The following ADGRL2 variants were observed in gnomAD, a reference collection of about 807,000 sequenced individuals.
The protein encoded by ADGRL2 is adhesion G protein-coupled receptor L2.
Under a neutral mutation model 157.4 loss-of-function variants are expected in ADGRL2, and 44 were observed. The observed-to-expected ratio is 0.28, with a 90% CI of 0.22 to 0.36. The LOEUF (loss-of-function observed/expected upper bound fraction) is 0.36. Among genes scored for constraint, ADGRL2 ranks in the 10% least tolerant of loss-of-function variants. ADGRL2 has a pLI of 1.00. For synonymous variants in ADGRL2, 585 were observed against 624.7 expected (o/e 0.94, Z 0.95); for missense variants, 1,510 against 1,768.9 (o/e 0.85, Z 2.63).
chr1:81,497,939 G>A (rs1336070318), intron 2 of ADGRL2, among the ~76,000 whole-genome samples: 1 of 152,208 alleles, frequency 6.6e-6, no homozygotes, highest in Non-Finnish European at 1.5e-5. Context: ...ATTTGCAGTG[G>A]CTCATGCCTG....
chr1:81,831,737 C>T (rs12132199), intron 1 of ADGRL2, among the ~76,000 whole-genome samples: 39,014 of 151,914 alleles, frequency 0.26, 5,132 homozygotes, highest in South Asian at 0.37. Flanking sequence ...CAGGTTTTTA[C>T]TAGGACGAGT....
intron 1 of ADGRL2, among the ~76,000 whole-genome samples, chr1:81,345,353 A>G (rs1378059588): frequency 3.9e-5 from 6 of 152,166 alleles, no homozygotes; most frequent in African/African-American, 1.4e-4. Context: ...TTGCCATTGC[A>G]TCTCAAGAAC....
chr1:81,340,479 T>C (rs1661992108), intron 1 of ADGRL2, among the ~76,000 whole-genome samples: 2 of 152,164 alleles, frequency 1.3e-5, no homozygotes, highest in Admixed American at 1.3e-4. Flanking sequence ...GATTGGACTT[T>C]CCATGGTCCT....
chr1:81,519,553 G>A (rs1398214358), intron 2 of ADGRL2, among the ~76,000 whole-genome samples: 1 of 152,146 alleles, frequency 6.6e-6, no homozygotes, highest in African/African-American at 2.4e-5. Context: ...ACTTGGCATA[G>A]GATCAGTTAA....
At chr1:81,398,788 C>G (rs533673881) in intron 1 of ADGRL2, among the ~76,000 whole-genome samples, 2 of 152,256 alleles carry the variant, frequency 1.3e-5, no homozygotes, top group South Asian at 4.1e-4. Context: ...TGGAGATTTT[C>G]TTACAGATGA....
At position 81,903,846 on chromosome 1, in the gene ADGRL2, C is replaced by CACACACACACAT. The variant is rs556699551; in HGVS notation, c.74-3170_74-3169insCACACACACATA. On this transcript the variant is annotated intron_variant, in intron 2 of 23. Transcript: ENST00000686636. Reference sequence around the variant, plus strand: ...ACACACACACACACACACACACACACATATTTGGTTGGAAATACAGACTTT... The same window carrying CACACACACACAT: ...ACACACACACACACACACACACACACACACACACACATATATTTGGTTGGAAATACAGACTTT... Among the ~76,000 whole-genome samples, 960 of 145,706 alleles carry CACACACACACAT rather than the reference C, an allele frequency of 6.6e-3. 15 individuals carry two copies. Among genetic ancestry groups the CACACACACACAT allele is most frequent in the African/African-American group, 0.018 (713 of 39,576 alleles).
chr1:81,960,002 G>C (rs1654818529), intron 11 of ADGRL2, among the ~76,000 whole-genome samples: 1 of 152,076 alleles, frequency 6.6e-6, no homozygotes, highest in East Asian at 1.9e-4. Flanking sequence ...ATTTCACCAT[G>C]TTGGTCAGGC....
intron 2 of ADGRL2, among the ~76,000 whole-genome samples, chr1:81,901,477 C>T (rs1267936054): frequency 6.6e-6 from 1 of 151,912 alleles, no homozygotes; most frequent in African/African-American, 2.4e-5. Context: ...TGGGATAGAG[C>T]TTCAAGATTT....
chr1:81,962,732 A>G (rs1478463940), intron 11 of ADGRL2, among the ~76,000 whole-genome samples: 6 of 152,154 alleles, frequency 3.9e-5, no homozygotes, highest in Non-Finnish European at 7.4e-5. Context: ...CATATGAATA[A>G]CCAGTTCCTT....
At chr1:81,817,408 C>CA (rs549221741) in intron 1 of ADGRL2, among the ~76,000 whole-genome samples, 24 of 151,786 alleles carry the variant, frequency 1.6e-4, no homozygotes, top group Non-Finnish European at 2.8e-4. Context: ...TTCTTCATCA[C>CA]AAGAGATCAT....
At chr1:81,323,243 T>G (rs912970635) in intron 1 of ADGRL2, among the ~76,000 whole-genome samples, 4 of 150,752 alleles carry the variant, frequency 2.7e-5, no homozygotes, top group South Asian at 2.1e-4. Flanking sequence ...AATTTTTCTG[T>G]TTTTTTTGTT....
chr1:81,522,416 A>G (rs1570372929), intron 2 of ADGRL2, among the ~76,000 whole-genome samples: 2 of 152,342 alleles, frequency 1.3e-5, no homozygotes, highest in East Asian at 1.9e-4. Flanking sequence ...TGCTAGGATT[A>G]CTACATTACT....
chr1:81,526,293 A>G (rs542866153), intron 2 of ADGRL2, among the ~76,000 whole-genome samples: 25 of 152,310 alleles, frequency 1.6e-4, no homozygotes, highest in Admixed American at 1.5e-3. Context: ...ATGGTCTAGG[A>G]ATAATAAAAG....
chr1:81,601,913 A>T (rs1454712779), intron 3 of ADGRL2, among the ~76,000 whole-genome samples: 1 of 152,190 alleles, frequency 6.6e-6, no homozygotes, highest in Non-Finnish European at 1.5e-5. Context: ...AATGAAAGAA[A>T]AAGGAAGGCA....
chr1:81,521,421 T>C (rs1030850679), intron 2 of ADGRL2, among the ~76,000 whole-genome samples: 1 of 152,166 alleles, frequency 6.6e-6, no homozygotes, highest in African/African-American at 2.4e-5. Context: ...GGAGTGGTTG[T>C]ATTTGAATTT....
chr1:81,928,676 C>T (rs552220824), intron 3 of ADGRL2, among the ~76,000 whole-genome samples: 1 of 152,208 alleles, frequency 6.6e-6, no homozygotes, highest in African/African-American at 2.4e-5. Context: ...AATTAAAGAA[C>T]AGATTCATAT....
intron 10 of ADGRL2, among the ~76,000 whole-genome samples, chr1:81,954,948 T>C (rs1341207249): frequency 6.6e-6 from 1 of 152,204 alleles, no homozygotes; most frequent in Non-Finnish European, 1.5e-5. Context: ...AATGACACAT[T>C]ATGACTGGGT....
chr1:81,416,039 A>G (rs2077027785), intron 1 of ADGRL2, among the ~76,000 whole-genome samples: 2 of 151,998 alleles, frequency 1.3e-5, no homozygotes, highest in South Asian at 2.1e-4. Flanking sequence ...ACCTTTAGTA[A>G]CAGGGTTTCA....
At chr1:81,695,822 C>CAA (rs36057272), upstream of ADGRL2, among the ~76,000 whole-genome samples, 5,962 of 123,346 alleles carry the variant, frequency 0.048, 175 homozygotes, top group Non-Finnish European at 0.066. Context: ...GACTCTGTTT[C>CAA]AAAAAAAAAA....
Sources: gnomAD v4.1 joint callset for allele counts (sites outside exome capture counted in the v4.1 genomes callset) on GRCh38, gnomAD v4.1.1 for gene constraint, MANE v1.5 for transcripts, NCBI Gene and HGNC (gene_info 2026-07-23, HGNC 2026-07-21) for gene names.